The following ZNF536 variants were observed in gnomAD, a reference collection of about 807,000 sequenced individuals.
ZNF536 encodes the protein zinc finger protein 536.
A neutral mutation model predicts 84.5 loss-of-function variants in ZNF536; 13 were observed. The ratio of observed to expected loss-of-function variants is 0.15; its 90% confidence interval spans 0.10 to 0.24. The LOEUF (loss-of-function observed/expected upper bound fraction) is 0.24, where lower values mean the gene tolerates loss of function less well. Ranked by LOEUF, ZNF536 falls within the 10% of genes least tolerant of loss-of-function variation. The pLI is 1.00. For synonymous variants in ZNF536, 811 were observed against 742.5 expected, an observed-to-expected ratio of 1.09 and a Z score of -1.50; for missense variants, 1,536 against 1,747.5, an observed-to-expected ratio of 0.88 and a Z score of 2.16.
At chr19:30,514,866 G>T (rs976709931) in intron 2 of ZNF536, among the ~76,000 whole-genome samples, 1 of 152,078 alleles carries the variant, frequency 6.6e-6, no homozygotes, top group African/African-American at 2.4e-5. Flanking sequence ...CTTGACTCCA[G>T]TCTGCTCTGT....
At chr19:30,522,356 G>A (rs2071250750) in intron 2 of ZNF536, among the ~76,000 whole-genome samples, 1 of 146,616 alleles carries the variant, frequency 6.8e-6, no homozygotes, top group African/African-American at 2.5e-5. Flanking sequence ...GAAGGGTTCA[G>A]CATTTATTCA....
At chr19:30,261,369 T>A (rs996115036) in intron 1 of ZNF536, among the ~76,000 whole-genome samples, 1 of 149,174 alleles carries the variant, frequency 6.7e-6, no homozygotes, top group Non-Finnish European at 1.5e-5. Context: ...GCAGATGCTA[T>A]TGCTTAAGGT....
chr19:30,529,539 G>T (rs1599705551), intron 2 of ZNF536, among the ~76,000 whole-genome samples: 1 of 152,260 alleles, frequency 6.6e-6, no homozygotes, highest in East Asian at 1.9e-4. Context: ...AATACTTGGG[G>T]AAAGCATGCA....
At chr19:30,413,076 T>TCAA (rs1221656547) in intron 1 of ZNF536, among the ~76,000 whole-genome samples, 3 of 152,158 alleles carry the variant, frequency 2.0e-5, no homozygotes, top group Non-Finnish European at 4.4e-5. Flanking sequence ...ATTCCCTTCC[T>TCAA]CAATCCCATG....
chr19:30,404,611 C>T (rs2050189934), intron 1 of ZNF536, among the ~76,000 whole-genome samples: 1 of 152,162 alleles, frequency 6.6e-6, no homozygotes, highest in Admixed American at 6.5e-5. Flanking sequence ...CCAGGAAGTA[C>T]CACGTTAGTT....
intron 1 of ZNF536, among the ~76,000 whole-genome samples, chr19:30,651,001 T>C (rs895237908): frequency 6.6e-6 from 1 of 152,196 alleles, no homozygotes; most frequent in Non-Finnish European, 1.5e-5. Flanking sequence ...GAGGCAGACA[T>C]AATTCAAAGT....
intron 3 of ZNF536, among the ~76,000 whole-genome samples, chr19:30,541,117 A>T (rs569035673): frequency 6.6e-6 from 1 of 152,200 alleles, no homozygotes; most frequent in African/African-American, 2.4e-5. Flanking sequence ...TTTCATCTTC[A>T]AAGTGCTTCC....
chr19:30,578,079 C>A (rs886170087), intron 1 of ZNF536, among the ~76,000 whole-genome samples: 1 of 152,202 alleles, frequency 6.6e-6, no homozygotes, highest in Admixed American at 6.5e-5. Context: ...TAACTGCCTC[C>A]TGGTTCTTTT....
chr19:30,277,134 C>T (rs976615123), intron 1 of ZNF536, among the ~76,000 whole-genome samples: 2 of 152,174 alleles, frequency 1.3e-5, no homozygotes, highest in African/African-American at 2.4e-5. Context: ...AGAGCACTAA[C>T]GACTCCTTGG....
At chr19:30,687,960 CTGCAAA>C (rs757464492) in intron 1 of ZNF536, among the ~76,000 whole-genome samples, 8 of 150,400 alleles carry the variant, frequency 5.3e-5, no homozygotes, top group Non-Finnish European at 8.8e-5. Flanking sequence ...TGTAGAGAAG[CTGCAAA>C]TGTTTTACTT....
intron 1 of ZNF536, among the ~76,000 whole-genome samples, chr19:30,699,191 T>C (rs2051789622): frequency 6.6e-6 from 1 of 152,180 alleles, no homozygotes; most frequent in African/African-American, 2.4e-5. Flanking sequence ...AGTCCTAGAA[T>C]CAGCCATTTC....
At chr19:30,527,219 CTTTTTTTTTTTTTTT>C (rs56404227) in intron 2 of ZNF536, among the ~76,000 whole-genome samples, 20 of 106,172 alleles carry the variant, frequency 1.9e-4, no homozygotes, top group South Asian at 6.8e-4. Context: ...ACCCAGCCTC[CTTTTTTTTTTTTTTT>C]TTTTTTTTTT....
At chr19:30,315,719 C>A (rs930359234) in intron 2 of ZNF536, among the ~76,000 whole-genome samples, 1 of 152,168 alleles carries the variant, frequency 6.6e-6, no homozygotes, top group Admixed American at 6.5e-5. Context: ...CTTCTCCCAT[C>A]GATGGAGAAA....
At chr19:30,239,614 T>C (rs1480152065) in intron 1 of ZNF536, among the ~76,000 whole-genome samples, 3 of 152,238 alleles carry the variant, frequency 2.0e-5, no homozygotes, top group African/African-American at 7.2e-5. Flanking sequence ...GTCCTGTGCA[T>C]TTCTGAGCAT....
intron 2 of ZNF536, among the ~76,000 whole-genome samples, chr19:30,476,761 G>A (rs532442951): frequency 6.6e-6 from 1 of 152,294 alleles, no homozygotes; most frequent in African/African-American, 2.4e-5. Context: ...CCAGAGCAGA[G>A]GGATGAATGC....
intron 2 of ZNF536, among the ~76,000 whole-genome samples, chr19:30,319,507 G>T (rs2046789310): frequency 6.6e-6 from 1 of 152,218 alleles, no homozygotes; most frequent in Non-Finnish European, 1.5e-5. Context: ...CCCTTGCTTT[G>T]AGTTAGTTCT....
intron 1 of ZNF536, among the ~76,000 whole-genome samples, chr19:30,649,065 T>A (rs1781561332): frequency 6.6e-6 from 1 of 152,146 alleles, no homozygotes; most frequent in Non-Finnish European, 1.5e-5. Flanking sequence ...TTAACCAGGA[T>A]CAACCCTGGG....
chr19:30,525,283 C>T (rs956615198), intron 2 of ZNF536, among the ~76,000 whole-genome samples: 1 of 152,196 alleles, frequency 6.6e-6, no homozygotes, highest in African/African-American at 2.4e-5. Flanking sequence ...CACCTGCATG[C>T]GCTGAACACT....
chr19:30,530,269 T>G (rs1362322041), intron 2 of ZNF536, among the ~76,000 whole-genome samples: 2 of 152,250 alleles, frequency 1.3e-5, no homozygotes, highest in Non-Finnish European at 2.9e-5. Context: ...CTCAAACCAA[T>G]GCACGAAAGG....
Sources: gnomAD v4.1 joint callset for allele counts (sites outside exome capture counted in the v4.1 genomes callset) on GRCh38, gnomAD v4.1.1 for gene constraint, MANE v1.5 for transcripts, NCBI Gene and HGNC (gene_info 2026-07-23, HGNC 2026-07-21) for gene names.